Variants in MYOM1 observed in about 807,000 individuals in gnomAD.
MYOM1 encodes the protein myomesin 1.
In MYOM1, 164 loss-of-function variants were observed where a neutral mutation model predicts 205.3. That is an observed-to-expected ratio of 0.80 (90% confidence interval 0.70 to 0.91). The LOEUF is 0.91. Among genes scored for constraint, MYOM1 ranks in the 40% least tolerant of loss-of-function variants. The probability of loss-of-function intolerance (pLI) is 0.00; values close to 1 mark genes in which losing one functional copy is unlikely to be tolerated. For synonymous variants in MYOM1, 772 were observed against 789.4 expected, an observed-to-expected ratio of 0.98 and a Z score of 0.37; for missense variants, 2,011 against 2,127.3, an observed-to-expected ratio of 0.95 and a Z score of 1.08.
In MYOM1 at chr18:3,085,057, G is replaced by A. The variant is rs1334761787; in HGVS notation, c.4327C>T (p.Leu1443Phe). 1.9e-6 allele frequency: 3 copies of A among 1,605,212 alleles called. No homozygotes were observed. Among genetic ancestry groups the A allele is most frequent in the Admixed American group, 1.7e-5 (1 of 58,852 alleles). ...TTGGTGGACTGACCTTCATCCACAA[G>A]CTTCAGTCTGCTCTTATCTTTTCCT... is the stretch of plus-strand genomic sequence containing the variant. ...DRGKDKSRLKLVDEAFKELMM... is the reference protein window; with the variant it reads ...DRGKDKSRLKFVDEAFKELMM... Residue 1443 changes from leucine (L) to phenylalanine (F), a missense_variant, in exon 31 of 38, where the codon CTT (leucine) becomes TTT (phenylalanine). By Grantham distance (22) the Leu-to-Phe change is conservative. Coordinates refer to ENST00000356443, the MANE Select transcript of MYOM1 (RefSeq NM_003803.4).
At chr18:3,076,769 A>G (rs2079024954) in intron 34 of MYOM1, among the ~76,000 whole-genome samples, 1 of 149,178 alleles carries the variant, frequency 6.7e-6, no homozygotes, top group Middle Eastern at 3.2e-3. Flanking sequence ...GCTGGAGTGC[A>G]GTGGCGAGAT....
intron 5 of MYOM1, among the ~76,000 whole-genome samples, chr18:3,177,769 G>A (rs750735956): frequency 4.6e-5 from 7 of 152,106 alleles, no homozygotes; most frequent in African/African-American, 9.7e-5. Flanking sequence ...CACTATGCTC[G>A]GCCTGCAATA....
intron 2 of MYOM1, among the ~76,000 whole-genome samples, chr18:3,210,076 C>T (rs2081172935): frequency 6.6e-6 from 1 of 152,198 alleles, no homozygotes; most frequent in Non-Finnish European, 1.5e-5. Context: ...ACATGAGGGA[C>T]AGTCATTTTC....
chr18:3,134,955 AT>A (rs368505930), intron 15 of MYOM1, 131 bp from the exon 16 acceptor site: 4,892 of 708,792 alleles, frequency 6.9e-3, no homozygotes, highest in Middle Eastern at 8.9e-3. Context: ...TTATTTTACG[AT>A]TTTTTTTTTT....
At chr18:3,153,733 G>A (rs1275567156) in intron 11 of MYOM1, among the ~76,000 whole-genome samples, 1 of 152,198 alleles carries the variant, frequency 6.6e-6, no homozygotes, top group Non-Finnish European at 1.5e-5. Flanking sequence ...ATGTATTTAT[G>A]TACTGCGAAG....
Position 3,072,129 on chromosome 18 carries a change from CA to C in MYOM1, c.4709-241del, listed in dbSNP as rs2078965200. 3.3e-5 allele frequency among the ~76,000 whole-genome samples: 5 copies of C among 151,416 alleles called. No homozygotes were observed. The South Asian group carries it at 1.0e-3, about 32-fold the overall frequency. ...GCAATGGCGGGATCTCGGCTCACTG[CA>C]ACCTCTGCCCACTAGGTTCAAGCGG... On this transcript the variant is annotated intron_variant, in intron 36 of 37. Transcript: ENST00000356443.
Position 3,119,993 on chromosome 18 carries a change from A to G in MYOM1, c.2994T>C (p.Ile998=), listed in dbSNP as rs1223142598. Residue 998 remains isoleucine, a splice_region_variant and synonymous_variant, in exon 20 of 38, where the codon ATT becomes ATC. Transcript: ENST00000356443. ...VKAVSEEAYK[I]SNLKENMVYQ... ...ACACCATGTTTTCCTTCAAGTTGCT[A>G]ATCTGCAACATTGACAACATCACAG... 2 of 1,593,622 alleles carry G rather than the reference A, an allele frequency of 1.3e-6. No homozygotes were observed. The highest frequency in any genetic ancestry group is 1.7e-6 in the Non-Finnish European group (2 of 1,169,424).
rs1306648993 is a variant in MYOM1, at chr18:3,164,346, C to T, written c.1433G>A (p.Gly478Asp). Residue 478 changes from glycine to aspartate, a missense_variant, in exon 10 of 38, where the codon GGC (glycine) becomes GAC (aspartate). Gly to Asp is a moderately conservative substitution (Grantham distance 94). Coordinates refer to ENST00000356443, the MANE Select transcript of MYOM1 (RefSeq NM_003803.4). ...CATCCGTACACGGATTGTATAGAGG[C>T]CTTCATCTTCTTTGTTGAGATGGGA... is the stretch of plus-strand genomic sequence containing the variant. ...TFSHLNKEDEGLYTIRVRMGE... is the reference protein window; with the variant it reads ...TFSHLNKEDEDLYTIRVRMGE... 1 of 1,612,262 alleles carries T rather than the reference C, an allele frequency of 6.2e-7. No homozygotes were observed. The highest frequency in any genetic ancestry group is 1.7e-5 in the Admixed American group (1 of 59,780).
chr18:3,192,964 GT>G (rs111909533), intron 3 of MYOM1, among the ~76,000 whole-genome samples: 1,650 of 151,160 alleles, frequency 0.011, 25 homozygotes, highest in African/African-American at 0.038. Context: ...GTCATCTTGG[GT>G]TTTTTTTTAA....
intron 9 of MYOM1, 126 bp downstream of exon 9, chr18:3,168,691 C>T: frequency 1.1e-6 from 1 of 905,720 alleles, no homozygotes; most frequent in Non-Finnish European, 1.6e-6. Context: ...CATGTGAAAA[C>T]CTTTTAATCG....
intron 4 of MYOM1, among the ~76,000 whole-genome samples, chr18:3,188,176 C>G (rs1256588628): frequency 6.6e-6 from 1 of 152,064 alleles, no homozygotes; most frequent in East Asian, 1.9e-4. Flanking sequence ...TCTTAAGGCT[C>G]TCTAAAATCT....
Position 3,126,732 on chromosome 18 carries a change from T to A in MYOM1, c.2960A>T (p.Asn987Ile), listed in dbSNP as rs2079790642. The A allele has an allele frequency of 6.2e-7, 1 of 1,613,622 alleles. No homozygotes were observed. Among genetic ancestry groups the A allele is most frequent in the Non-Finnish European group, 8.5e-7 (1 of 1,179,748 alleles). ...TGCCTCCTCACTGACAGCCTTGACA[T>A]TGGCTTCTCTCCATTTTCCTGGTAC... ...DGVPGKWREA[N>I]VKAVSEEAYK... The change falls in exon 19 of 38, where the codon AAT (asparagine) becomes ATT (isoleucine). Residue 987 changes from asparagine to isoleucine, a missense_variant. Physicochemically the swap from Asn to Ile is moderately radical, Grantham distance 149. Transcript: ENST00000356443.
the MYOM1 span, among the ~76,000 whole-genome samples, chr18:3,242,886 T>C: frequency 7.5e-4 from 114 of 152,306 alleles, no homozygotes; most frequent in African/African-American, 2.6e-3. Flanking sequence ...TCCTTATTCC[T>C]TTTTTTGTTT....
At position 3,197,643 on chromosome 18, in the gene MYOM1, G is replaced by T. The variant is rs913589180; in HGVS notation, c.291-3685C>A. Among the ~76,000 whole-genome samples, 12 of 152,026 alleles carry T rather than the reference G, an allele frequency of 7.9e-5. No individual in the cohort carries two copies. The South Asian group carries it at 1.9e-3, about 24-fold the overall frequency. On this transcript the variant is annotated intron_variant, in intron 2 of 37. Coordinates refer to ENST00000356443, the MANE Select transcript of MYOM1 (RefSeq NM_003803.4). Reference sequence around the variant, plus strand: ...AATCCCAGCACGTTGGGAGGCCAAGGCGGGCGGATCACGAGGTCAGGAGAT... The same window carrying T: ...AATCCCAGCACGTTGGGAGGCCAAGTCGGGCGGATCACGAGGTCAGGAGAT...
chr18:3,155,333 T>C lies in MYOM1; in HGVS notation c.1502-245A>G, dbSNP rs1039961681. ...ACCTCCCGGGTTCACGCCATTCTCC[T>C]GCCTCAGCCTCCTGAGTAGCTGGGA... On this transcript the variant is annotated intron_variant, in intron 10 of 37. Coordinates refer to ENST00000356443, the MANE Select transcript of MYOM1 (RefSeq NM_003803.4). Among the ~76,000 whole-genome samples, 230 of 152,206 alleles carry C rather than the reference T, an allele frequency of 1.5e-3. 4 individuals carry two copies. The highest frequency in any genetic ancestry group is 2.1e-4 in the Non-Finnish European group (14 of 68,030).
At chr18:3,080,138 A>C (rs531908252) in intron 33 of MYOM1, among the ~76,000 whole-genome samples, 1 of 152,314 alleles carries the variant, frequency 6.6e-6, no homozygotes, top group East Asian at 1.9e-4. Context: ...AAATGTTTAA[A>C]AAGTGGCATA....
At position 3,199,602 on chromosome 18, in the gene MYOM1, G is replaced by C. The variant is rs146883502; in HGVS notation, c.291-5644C>G. Among the ~76,000 whole-genome samples, 500 of 152,330 alleles carry C rather than the reference G, an allele frequency of 3.3e-3. 4 individuals are homozygous for C. Among genetic ancestry groups the C allele is most frequent in the African/African-American group, 0.011 (467 of 41,578 alleles). ...CACACCTGTAATCCCAGCACTTTGG[G>C]AGGCCAAGGTGGGTGGATCACGAGG... is the stretch of plus-strand genomic sequence containing the variant. On this transcript the variant is annotated intron_variant, in intron 2 of 37. Coordinates refer to ENST00000356443, the MANE Select transcript of MYOM1 (RefSeq NM_003803.4).
chr18:3,236,541 G>A, the MYOM1 span: 2 of 152,270 alleles, frequency 1.3e-5, no homozygotes, highest in Admixed American at 6.5e-5. Flanking sequence ...TGGCAAAGGT[G>A]AGTCAAAGTT....
In MYOM1 at chr18:3,134,650, C is replaced by T. The variant is rs954326431; in HGVS notation, c.2384G>A (p.Arg795Gln). The T allele has an allele frequency of 6.2e-6, 10 of 1,610,318 alleles. No homozygotes were observed. Among genetic ancestry groups the T allele is most frequent in the African/African-American group, 2.7e-5 (2 of 74,878 alleles). ...CGCCCTGCACACCCGACTGAGTTAC[C>T]GTGAGCCCTTCACGGGGTTGTTGTT... ...PCNNNPVKGSRFTCHGLVTGQ... is the reference protein window; with the variant it reads ...PCNNNPVKGSQFTCHGLVTGQ... Residue 795 changes from arginine to glutamine, a missense_variant and splice_region_variant, in exon 16 of 38, where the codon CGA (arginine) becomes CAA (glutamine). Arg to Gln is a conservative substitution (Grantham distance 43). Coordinates refer to ENST00000356443, the MANE Select transcript of MYOM1 (RefSeq NM_003803.4).
Sources: gnomAD v4.1 joint callset for allele counts (sites outside exome capture counted in the v4.1 genomes callset) on GRCh38, gnomAD v4.1.1 for gene constraint, MANE v1.5 for transcripts, NCBI Gene and HGNC (gene_info 2026-07-23, HGNC 2026-07-21) for gene names.